MARCHF1: variants seen among roughly 807,000 people sequenced by gnomAD.
MARCHF1 encodes the protein E3 ubiquitin-protein ligase MARCHF1.
Under a neutral mutation model 54.2 loss-of-function variants are expected in MARCHF1, and 40 were observed. The observed-to-expected ratio is 0.74, with a 90% CI of 0.57 to 0.96. The LOEUF (loss-of-function observed/expected upper bound fraction) is 0.96, where lower values mean the gene tolerates loss of function less well. Among genes scored for constraint, MARCHF1 ranks in the 40% least tolerant of loss-of-function variants. The probability of loss-of-function intolerance (pLI) is 0.00; values close to 1 mark genes in which losing one functional copy is unlikely to be tolerated. For synonymous variants in MARCHF1, 236 were observed against 236.3 expected (o/e 1.00, Z 0.01); for missense variants, 586 against 656.5 (o/e 0.89, Z 1.17).
At chr4:164,281,626 C>T (rs962329964) in intron 1 of MARCHF1, among the ~76,000 whole-genome samples, 5 of 152,080 alleles carry the variant, frequency 3.3e-5, no homozygotes, top group Admixed American at 3.3e-4. Context: ...CTAAGAGTGG[C>T]TTCGTAGGGC....
chr4:164,011,932 G>A (rs960999201), intron 2 of MARCHF1, among the ~76,000 whole-genome samples: 3 of 152,106 alleles, frequency 2.0e-5, no homozygotes, highest in Non-Finnish European at 4.4e-5. Context: ...TGAGTGTGGA[G>A]CACTATATTG....
chr4:163,783,584 G>T (rs115336208), intron 4 of MARCHF1, among the ~76,000 whole-genome samples: 1 of 152,172 alleles, frequency 6.6e-6, no homozygotes, highest in Non-Finnish European at 1.5e-5. Flanking sequence ...GGGAAATGTT[G>T]ATTTTTCCTT....
At chr4:163,985,586 G>A (rs1457605913) in intron 3 of MARCHF1, among the ~76,000 whole-genome samples, 1 of 152,116 alleles carries the variant, frequency 6.6e-6, no homozygotes, top group Non-Finnish European at 1.5e-5. Context: ...TGGATCTTCT[G>A]TATTTTAACT....
chr4:163,770,743 G>A (rs982912717), intron 4 of MARCHF1, among the ~76,000 whole-genome samples: 1 of 152,178 alleles, frequency 6.6e-6, no homozygotes, highest in Admixed American at 6.5e-5. Context: ...ATGGGAAAAA[G>A]GTTGAGAGGG....
chr4:163,716,934 T>C (rs1745277687), intron 4 of MARCHF1, among the ~76,000 whole-genome samples: 1 of 152,230 alleles, frequency 6.6e-6, no homozygotes, highest in South Asian at 2.1e-4. Context: ...TTTATTATTT[T>C]ACTGTTTTAT....
intron 3 of MARCHF1, among the ~76,000 whole-genome samples, chr4:163,976,598 G>A (rs1319925043): frequency 6.6e-6 from 1 of 152,132 alleles, no homozygotes; most frequent in Non-Finnish European, 1.5e-5. Flanking sequence ...CTGCCTCAAT[G>A]ACGTCTGGTG....
chr4:163,653,002 T>TA (rs1314380493), intron 5 of MARCHF1, among the ~76,000 whole-genome samples: 1 of 151,732 alleles, frequency 6.6e-6, no homozygotes, highest in Non-Finnish European at 1.5e-5. Flanking sequence ...ACAGGAAATT[T>TA]AAAAAATAGA....
intron 4 of MARCHF1, among the ~76,000 whole-genome samples, chr4:163,713,012 T>C (rs545032602): frequency 6.6e-6 from 1 of 152,304 alleles, no homozygotes; most frequent in Admixed American, 6.5e-5. Context: ...ATGAATCCTA[T>C]TGTTTCTACA....
chr4:164,267,399 C>T (rs368616599), intron 1 of MARCHF1, among the ~76,000 whole-genome samples: 7 of 152,322 alleles, frequency 4.6e-5, no homozygotes, highest in East Asian at 1.9e-4. Context: ...TGTGCCCTCT[C>T]CCTGTCTCTC....
At chr4:164,151,663 C>G (rs2110909596) in intron 1 of MARCHF1, among the ~76,000 whole-genome samples, 1 of 152,230 alleles carries the variant, frequency 6.6e-6, no homozygotes, top group East Asian at 1.9e-4. Flanking sequence ...CCACTGGAGC[C>G]ACTACATGCA....
intron 1 of MARCHF1, among the ~76,000 whole-genome samples, chr4:164,143,920 T>G (rs181141190): frequency 0.019 from 2,877 of 152,140 alleles, 78 homozygotes; most frequent in African/African-American, 0.064. Context: ...GCTGTATTCA[T>G]GAAACCCATC....
chr4:164,210,825 A>T (rs1242397564), intron 1 of MARCHF1, among the ~76,000 whole-genome samples: 1 of 152,126 alleles, frequency 6.6e-6, no homozygotes, highest in Non-Finnish European at 1.5e-5. Flanking sequence ...ACAATGGATA[A>T]AGAAAATGTG....
rs577943184 is a variant in MARCHF1, at chr4:163,653,522, G to T, written c.163-40129C>A. ...TCAGGTTACGGTAACTGTAGCATGA[G>T]ATATAGGAGCTGTGTGTAGGGTGAT... On this transcript the variant is annotated intron_variant, in intron 5 of 9. Coordinates refer to ENST00000514618, the MANE Select transcript of MARCHF1 (RefSeq NM_001394959.1). 2.0e-5 allele frequency among the ~76,000 whole-genome samples: 3 copies of T among 151,890 alleles called. No individual in the cohort carries two copies. The East Asian group carries it at 5.8e-4, about 30-fold the overall frequency.
intron 1 of MARCHF1, among the ~76,000 whole-genome samples, chr4:164,263,382 C>T (rs1171421149): frequency 3.3e-5 from 5 of 151,958 alleles, no homozygotes; most frequent in East Asian, 1.9e-4. Flanking sequence ...ATTTAAATTA[C>T]ATTTTCTCTT....
chr4:163,666,374 A>C (rs1181858178), intron 5 of MARCHF1, among the ~76,000 whole-genome samples: 1 of 152,042 alleles, frequency 6.6e-6, no homozygotes, highest in East Asian at 1.9e-4. Context: ...ATTTTATTTT[A>C]TTGCTCCTAA....
intron 2 of MARCHF1, among the ~76,000 whole-genome samples, chr4:164,083,885 TG>T (rs1316160300): frequency 6.6e-6 from 1 of 152,096 alleles, no homozygotes; most frequent in Non-Finnish European, 1.5e-5. Flanking sequence ...TCATTTGTAG[TG>T]CATGTACTTC....
At chr4:164,151,214 A>G (rs1729926790) in intron 1 of MARCHF1, among the ~76,000 whole-genome samples, 1 of 152,226 alleles carries the variant, frequency 6.6e-6, no homozygotes, top group African/African-American at 2.4e-5. Context: ...ACAGCAATAG[A>G]AACGAAGACA....
intron 1 of MARCHF1, among the ~76,000 whole-genome samples, chr4:164,153,931 A>T (rs552568580): frequency 7.9e-5 from 12 of 152,202 alleles, no homozygotes; most frequent in Non-Finnish European, 1.5e-4. Flanking sequence ...TGACAGATTC[A>T]GAAATAGCTT....
intron 2 of MARCHF1, among the ~76,000 whole-genome samples, chr4:164,098,580 C>G (rs1467653242): frequency 6.6e-6 from 1 of 152,214 alleles, no homozygotes; most frequent in African/African-American, 2.4e-5. Context: ...ATTTTAAAAA[C>G]TCTGTGTGAT....
Sources: allele counts gnomAD v4.1 joint callset (sites outside exome capture counted in the v4.1 genomes callset), GRCh38; gene constraint gnomAD v4.1.1; transcripts MANE v1.5; gene names NCBI Gene and HGNC (gene_info 2026-07-23, HGNC 2026-07-21).